The following MAP2K5 variants were observed in gnomAD, a reference collection of about 807,000 sequenced individuals.
The protein encoded by MAP2K5 is mitogen-activated protein kinase kinase 5.
Under a neutral mutation model 83.1 loss-of-function variants are expected in MAP2K5, and 49 were observed. That is an observed-to-expected ratio of 0.59 (90% CI 0.47 to 0.75). The LOEUF is 0.75. Ranked by LOEUF, MAP2K5 falls within the 30% of genes least tolerant of loss-of-function variation. The pLI is 0.00. For missense variants in MAP2K5, 457 were observed against 557.5 expected (o/e 0.82, Z 1.82); for synonymous variants, 202 against 191.8 (o/e 1.05, Z -0.44).
intron 11 of MAP2K5, among the ~76,000 whole-genome samples, chr15:67,657,748 A>G (rs1456959089): frequency 1.3e-5 from 2 of 152,006 alleles, no homozygotes; most frequent in African/African-American, 4.8e-5. Context: ...GCATGTGTCT[A>G]TATGCATATA....
At chr15:67,670,389 T>C (rs2087499077) in intron 13 of MAP2K5, 1 of 455,216 alleles carries the variant, frequency 2.2e-6, no homozygotes, top group South Asian at 1.6e-5. Context: ...TTGATTTTTG[T>C]GGTAGTTACA....
rs1436409726 is a variant in MAP2K5, at chr15:67,572,429, C to A, written c.253-8325C>A. On this transcript the variant is annotated intron_variant, in intron 3 of 21. Transcript: ENST00000178640. This position sits in a 1 kb window ranked among gnomAD's most constrained non-coding sequence, Gnocchi z 4.2. Reference sequence around the variant, plus strand: ...CCAATCCAGACCCTAAGAGAGAGTTCTTGGATCTTGTGCAAGAAAGAATTC... The same window carrying A: ...CCAATCCAGACCCTAAGAGAGAGTTATTGGATCTTGTGCAAGAAAGAATTC... Among the ~76,000 whole-genome samples, 1 of 152,130 alleles carries A rather than the reference C, an allele frequency of 6.6e-6. No homozygotes were observed. Among genetic ancestry groups the A allele is most frequent in the East Asian group, 1.9e-4 (1 of 5,182 alleles).
chr15:67,716,187 C>T (rs533172917), intron 16 of MAP2K5, among the ~76,000 whole-genome samples: 7 of 152,088 alleles, frequency 4.6e-5, no homozygotes, highest in African/African-American at 1.2e-4. Context: ...GACAAATAAG[C>T]GAGTTAAGCT....
intron 11 of MAP2K5, 51 bp downstream of exon 11, chr15:67,646,520 T>C: frequency 9.3e-7 from 1 of 1,074,330 alleles, no homozygotes; most frequent in Non-Finnish European, 1.4e-6. Flanking sequence ...GAGTATATAG[T>C]GCTTTAAAAC....
intron 19 of MAP2K5, among the ~76,000 whole-genome samples, chr15:67,751,913 T>A (rs2089726295): frequency 6.6e-6 from 1 of 152,220 alleles, no homozygotes; most frequent in Non-Finnish European, 1.5e-5. Context: ...CTAACATGCC[T>A]TACATGGCTG....
rs768817299 is a variant in MAP2K5, at chr15:67,777,527, G to T, written c.1242+4775G>T. Among the ~76,000 whole-genome samples the T allele has an allele frequency of 6.6e-6, 1 of 152,060 alleles. No homozygotes were observed. Among genetic ancestry groups the T allele is most frequent in the Admixed American group, 6.5e-5 (1 of 15,268 alleles). Reference sequence around the variant, plus strand: ...CCCCCTCCTTTGTAGCATGCACTTCGGCTGTGGTAAAAGTACGTATCACAT... The same window carrying T: ...CCCCCTCCTTTGTAGCATGCACTTCTGCTGTGGTAAAAGTACGTATCACAT... On this transcript the variant is annotated intron_variant, in intron 21 of 21. Transcript: ENST00000178640. The surrounding 1 kb of genome is among the most constrained non-coding windows in gnomAD (Gnocchi z 6.0).
chr15:67,675,076 C>T, intron 13 of MAP2K5, among the ~76,000 whole-genome samples: 1 of 152,158 alleles, frequency 6.6e-6, no homozygotes. Flanking sequence ...TACCGTATGA[C>T]CCAGCAATTG....
chr15:67,657,150 T>G (rs905242673), intron 11 of MAP2K5, among the ~76,000 whole-genome samples: 5 of 152,224 alleles, frequency 3.3e-5, no homozygotes, highest in Non-Finnish European at 7.3e-5. Context: ...TTTGGCTTCT[T>G]CTACTGATAA....
intron 8 of MAP2K5, among the ~76,000 whole-genome samples, chr15:67,612,461 T>G (rs527572621): frequency 2.6e-5 from 4 of 152,318 alleles, no homozygotes; most frequent in Admixed American, 2.0e-4. Flanking sequence ...CCTTCTGTTG[T>G]CCAGAACATA....
chr15:67,587,339 C>T lies in MAP2K5; in HGVS notation c.431+426C>T, dbSNP rs2085311399. Among the ~76,000 whole-genome samples the T allele has an allele frequency of 6.6e-6, 1 of 152,018 alleles. No homozygotes were observed. Among genetic ancestry groups the T allele is most frequent in the African/African-American group, 2.4e-5 (1 of 41,368 alleles). On this transcript the variant is annotated intron_variant, in intron 6 of 21. Coordinates refer to ENST00000178640, the MANE Select transcript of MAP2K5 (RefSeq NM_145160.3). The surrounding 1 kb of genome is among the most constrained non-coding windows in gnomAD (Gnocchi z 4.8). Reference sequence around the variant, plus strand: ...ACTTATCATGCGGGGCCTCGTAGGCCCTGTAATGTTTGAATTTTCCTTTTG... The same window carrying T: ...ACTTATCATGCGGGGCCTCGTAGGCTCTGTAATGTTTGAATTTTCCTTTTG...
At chr15:67,580,897 G>T in intron 4 of MAP2K5, 74 bp downstream of exon 4, 1 of 977,762 alleles carries the variant, frequency 1.0e-6, no homozygotes, top group Non-Finnish European at 1.6e-6. Flanking sequence ...GTTTCCAAAG[G>T]TTTAAATGCA....
chr15:67,733,135 A>G (rs926481694), intron 17 of MAP2K5, among the ~76,000 whole-genome samples: 1 of 152,178 alleles, frequency 6.6e-6, no homozygotes, highest in African/African-American at 2.4e-5. Context: ...CCATGTTGTG[A>G]TTAATTTGCA....
At chr15:67,767,856 C>G (rs1417443976) in intron 19 of MAP2K5, among the ~76,000 whole-genome samples, 1 of 152,106 alleles carries the variant, frequency 6.6e-6, no homozygotes, top group African/African-American at 2.4e-5. Context: ...ATCCTTTGAA[C>G]TTGGCAAGAT....
chr15:67,585,866 C>T, intron 4 of MAP2K5, 24 bp from the exon 5 acceptor site: 1 of 1,610,756 alleles, frequency 6.2e-7, no homozygotes. Flanking sequence ...ATGTGTTCTA[C>T]AATTTAGTCA....
rs2084781349 is a variant in MAP2K5 at position 67,563,585 on chromosome 15, A to G, written c.252+235A>G. On this transcript the variant is annotated intron_variant, in intron 3 of 21. Coordinates refer to ENST00000178640, the MANE Select transcript of MAP2K5 (RefSeq NM_145160.3). This position sits in a 1 kb window ranked among gnomAD's most constrained non-coding sequence, Gnocchi z 4.5. ...AATGCATCTTAATGACTTTTGCATT[A>G]GGTATGATGCAGACTAAATGGACTA... Among the ~76,000 whole-genome samples the G allele has an allele frequency of 6.6e-6, 1 of 152,214 alleles. No homozygotes were observed. The highest frequency in any genetic ancestry group is 6.5e-5 in the Admixed American group (1 of 15,272).
At chr15:67,787,018 T>C (rs2090431079) in intron 21 of MAP2K5, among the ~76,000 whole-genome samples, 1 of 152,184 alleles carries the variant, frequency 6.6e-6, no homozygotes, top group Non-Finnish European at 1.5e-5. Context: ...GGGGTAAAGT[T>C]AGCTGCATGG....
At chr15:67,756,892 T>A (rs2089850237) in intron 19 of MAP2K5, among the ~76,000 whole-genome samples, 1 of 152,192 alleles carries the variant, frequency 6.6e-6, no homozygotes, top group Non-Finnish European at 1.5e-5. Flanking sequence ...TAAGGCTGAA[T>A]AAGATTCCAT....
rs1346313706 is a variant in MAP2K5 at position 67,561,548 on chromosome 15, C to T, written c.185-1735C>T. On this transcript the variant is annotated intron_variant, in intron 2 of 21. Coordinates refer to ENST00000178640, the MANE Select transcript of MAP2K5 (RefSeq NM_145160.3). This position sits in a 1 kb window ranked among gnomAD's most constrained non-coding sequence, Gnocchi z 4.2. ...ATAGCAGAATACTGGTAGTGACTCT[C>T]CTAGATTTAGACAGTGTGATCTTGA... Among the ~76,000 whole-genome samples, 1 of 152,134 alleles carries T rather than the reference C, an allele frequency of 6.6e-6. No homozygotes were observed. Among genetic ancestry groups the T allele is most frequent in the Non-Finnish European group, 1.5e-5 (1 of 68,034 alleles).
chr15:67,789,664 G>A (rs554387586), intron 21 of MAP2K5, among the ~76,000 whole-genome samples: 4 of 151,452 alleles, frequency 2.6e-5, no homozygotes, highest in East Asian at 1.9e-4. Context: ...GCAGTGAGCC[G>A]AGATCGCACC....
Sources: allele counts gnomAD v4.1 joint callset (sites outside exome capture counted in the v4.1 genomes callset), GRCh38; gene constraint gnomAD v4.1.1; non-coding constraint Gnocchi (gnomAD v3.1); transcripts MANE v1.5; gene names NCBI Gene and HGNC (gene_info 2026-07-23, HGNC 2026-07-21).